The following DNAJC18 variants were observed in gnomAD, a reference collection of about 807,000 sequenced individuals.
The protein encoded by DNAJC18 is dnaJ homolog subfamily C member 18.
In DNAJC18, 40 loss-of-function variants were observed where a neutral mutation model predicts 48.6. That is an observed-to-expected ratio of 0.82 (90% CI 0.64 to 1.07). DNAJC18 has a LOEUF of 1.07. Among genes scored for constraint, DNAJC18 ranks in the 50% least tolerant of loss-of-function variants. DNAJC18 has a pLI of 0.00. For synonymous variants in DNAJC18, 135 were observed against 152.2 expected (o/e 0.89, Z 0.83); for missense variants, 340 against 427.7 (o/e 0.79, Z 1.81).
intron 5 of DNAJC18, among the ~76,000 whole-genome samples, chr5:139,423,701 G>A (rs1203460382): frequency 1.3e-5 from 2 of 149,218 alleles, no homozygotes; most frequent in Non-Finnish European, 3.0e-5. Flanking sequence ...CAGATTTTCA[G>A]ATTAGGAATT....
Position 139,412,187 on chromosome 5 carries a change from C to A in DNAJC18, c.*1961G>T, listed in dbSNP as rs1759004411. 6.6e-6 allele frequency: 1 copy of A among 152,262 alleles called. No homozygotes were observed. The highest frequency in any genetic ancestry group is 1.5e-5 in the Non-Finnish European group (1 of 68,070). 9.4% of individuals were successfully genotyped at this position (152,262 alleles called of 1,614,324 possible). On this transcript the variant is annotated 3_prime_UTR_variant, in exon 8 of 8. Coordinates refer to ENST00000302060, the MANE Select transcript of DNAJC18 (RefSeq NM_152686.4). ...CCTGCAGAGGCATGGTAGGGAACAACCGTTCAGATGTTGATGAGCCATGCT... is the reference window on the plus strand; with the variant it reads ...CCTGCAGAGGCATGGTAGGGAACAAACGTTCAGATGTTGATGAGCCATGCT...
At chr5:139,416,714 G>A (rs78502259) in intron 7 of DNAJC18, among the ~76,000 whole-genome samples, 7,957 of 152,310 alleles carry the variant, frequency 0.052, 340 homozygotes, top group African/African-American at 0.11. Context: ...TCCTCTACCA[G>A]TCTGGGCCAG....
chr5:139,420,331 G>C (rs1180308013), intron 6 of DNAJC18, 106 bp from the exon 7 acceptor site: 1 of 1,126,872 alleles, frequency 8.9e-7, no homozygotes, highest in Admixed American at 3.5e-5. Flanking sequence ...ATAGAGCAGA[G>C]GCAGATATCA....
chr5:139,435,705 G>GTATTTTTTTTTTTTTTTTTTT (rs1750628007), intron 2 of DNAJC18, among the ~76,000 whole-genome samples: 1 of 41,194 alleles, frequency 2.4e-5, no homozygotes, highest in African/African-American at 1.1e-4. Flanking sequence ...TTCATTGGAA[G>GTATTTTTTTTTTTTTTTTTTT]TTTTTTTTTT....
At chr5:139,437,347 T>G (rs759226533) in intron 2 of DNAJC18, 25 bp downstream of exon 2, 1 of 1,565,416 alleles carries the variant, frequency 6.4e-7, no homozygotes, top group Non-Finnish European at 8.6e-7. Flanking sequence ...ATAAAATCAC[T>G]CATTTAATCT....
chr5:139,417,629 A>G (rs1012054231), intron 7 of DNAJC18, among the ~76,000 whole-genome samples: 1 of 143,974 alleles, frequency 6.9e-6, no homozygotes, highest in East Asian at 2.0e-4. Flanking sequence ...GCTGAAGTGC[A>G]GTGGCACGAT....
At chr5:139,414,561 C>T (rs533982257) in intron 7 of DNAJC18, among the ~76,000 whole-genome samples, 14 of 152,330 alleles carry the variant, frequency 9.2e-5, no homozygotes, top group East Asian at 1.9e-4. Context: ...AGGAAACCTG[C>T]GCATGTGCAG....
At chr5:139,417,612 C>T (rs1432154373) in intron 7 of DNAJC18, among the ~76,000 whole-genome samples, 1 of 143,682 alleles carries the variant, frequency 7.0e-6, no homozygotes, top group Non-Finnish European at 1.5e-5. Context: ...CTCGCTCTGT[C>T]ACCCAGGCTG....
At chr5:139,424,612 T>C in intron 5 of DNAJC18, among the ~76,000 whole-genome samples, 1 of 147,016 alleles carries the variant, frequency 6.8e-6, no homozygotes, top group East Asian at 2.0e-4. Flanking sequence ...CCCAGCTACA[T>C]GAGAGGCTGA....
chr5:139,428,865 T>C (rs1759284518), intron 2 of DNAJC18, among the ~76,000 whole-genome samples, 182 bp from the exon 3 acceptor site: 1 of 152,056 alleles, frequency 6.6e-6, no homozygotes, highest in African/African-American at 2.4e-5. Flanking sequence ...CAGAACTTAA[T>C]GCCTTTCAAA....
In DNAJC18 at chr5:139,430,141, T is replaced by C. The variant is rs142924252; in HGVS notation, c.228-1458A>G. 3.5e-3 allele frequency among the ~76,000 whole-genome samples: 526 copies of C among 152,290 alleles called. 7 individuals are homozygous for C. The highest frequency in any genetic ancestry group is 0.012 in the African/African-American group (495 of 41,552). The stretch of plus-strand genomic sequence containing the variant: ...ACTGAAGACCTCAAAAGAGCTTTCA[T>C]TTATATGACTTCTATCAATCCACAT... On this transcript the variant is annotated intron_variant, in intron 2 of 7. Coordinates refer to ENST00000302060, the MANE Select transcript of DNAJC18 (RefSeq NM_152686.4).
rs148652357 is a variant in DNAJC18, at chr5:139,439,457, A to G, written c.-12T>C. 1.4e-4 allele frequency: 227 copies of G among 1,613,800 alleles called. No individual in the cohort carries two copies. The East Asian group carries it at 3.9e-3, about 27-fold the overall frequency. On this transcript the variant is annotated 5_prime_UTR_variant, in exon 1 of 8. Coordinates refer to ENST00000302060, the MANE Select transcript of DNAJC18 (RefSeq NM_152686.4). The surrounding 1 kb of genome is among the most constrained non-coding windows in gnomAD (Gnocchi z 4.1). ...AGAGTCGCCGCCATATCGGTTCCCA[A>G]TCAGCAGGTCCGCCGAGCCTCCCCC...
At chr5:139,426,420 G>A in intron 3 of DNAJC18, 63 bp from the exon 4 acceptor site, 1 of 1,573,012 alleles carries the variant, frequency 6.4e-7, no homozygotes, top group Non-Finnish European at 8.6e-7. Flanking sequence ...AGTGATCACA[G>A]CAGCAGTGAC....
At chr5:139,426,049 T>G (rs1759238371) in intron 4 of DNAJC18, 123 bp downstream of exon 4, 1 of 1,132,786 alleles carries the variant, frequency 8.8e-7, no homozygotes, top group Non-Finnish European at 1.3e-6. Context: ...CCTGCTCAAC[T>G]GATTCTAGAT....
intron 1 of DNAJC18, among the ~76,000 whole-genome samples, chr5:139,437,974 T>C (rs1281872035): frequency 1.3e-5 from 2 of 152,254 alleles, no homozygotes; most frequent in African/African-American, 4.8e-5. Flanking sequence ...ACAGGTGGCA[T>C]GTGGCCCAGC....
At chr5:139,425,809 C>T (rs1759231399) in intron 4 of DNAJC18, among the ~76,000 whole-genome samples, 2 of 152,188 alleles carry the variant, frequency 1.3e-5, no homozygotes, top group African/African-American at 4.8e-5. Context: ...TTCCAACTTG[C>T]TGGGGGGTAC....
At chr5:139,422,547 T>C (rs1221965615) in intron 6 of DNAJC18, among the ~76,000 whole-genome samples, 161 bp downstream of exon 6, 2 of 152,228 alleles carry the variant, frequency 1.3e-5, no homozygotes, top group Admixed American at 1.3e-4. Flanking sequence ...CTCAGTATTT[T>C]TGAGTCTCAG....
intron 2 of DNAJC18, among the ~76,000 whole-genome samples, chr5:139,431,965 C>G (rs1339956043): frequency 6.6e-6 from 1 of 152,114 alleles, no homozygotes; most frequent in Non-Finnish European, 1.5e-5. Flanking sequence ...GCTTACTAAC[C>G]ATATATATAT....
Position 139,420,104 on chromosome 5 carries a change from T to C in DNAJC18, c.901A>G (p.Lys301Glu), listed in dbSNP as rs1403295650. 7 of 1,606,160 alleles carry C rather than the reference T, an allele frequency of 4.4e-6. No homozygotes were observed. Among genetic ancestry groups the C allele is most frequent in the Non-Finnish European group, 5.9e-6 (7 of 1,177,856 alleles). Residue 301 changes from lysine (K) to glutamate (E), a missense_variant, in exon 7 of 8, where the codon AAG becomes GAG. By Grantham distance (56) the Lys-to-Glu change is moderately conservative (BLOSUM62 1). Transcript: ENST00000302060. ...SLHDLEKTIE[K>E]DYIDYIQTSC... ...GTCTGGATATAATCAATGTAATCCT[T>C]CTCTATTGTTTTCTCCAAGTCATGC...
Sources: allele counts gnomAD v4.1 joint callset (sites outside exome capture counted in the v4.1 genomes callset), GRCh38; gene constraint gnomAD v4.1.1; non-coding constraint Gnocchi (gnomAD v3.1); transcripts MANE v1.5; gene names NCBI Gene and HGNC (gene_info 2026-07-23, HGNC 2026-07-21).